CDC42BPA: variants seen among roughly 807,000 people sequenced by gnomAD.
CDC42BPA encodes the protein serine/threonine-protein kinase MRCK alpha.
Under a neutral mutation model 223.5 loss-of-function variants are expected in CDC42BPA, and 80 were observed. That is an observed-to-expected ratio of 0.36 (90% CI 0.30 to 0.43). The LOEUF is 0.43. CDC42BPA is among the 20% of genes least tolerant of loss of function. The pLI is 1.00. For missense variants in CDC42BPA, 1,743 were observed against 2,099.9 expected, an observed-to-expected ratio of 0.83 and a Z score of 3.32; for synonymous variants, 694 against 718.6, an observed-to-expected ratio of 0.97 and a Z score of 0.55.
In CDC42BPA at chr1:227,051,412, G is replaced by A. The variant is rs182795767; in HGVS notation, c.3009+469C>T. ...TTTTTTTTGCACTATTAAATGTCAGGATTTAGTTGACTGTTACCAATTTAG... is the reference window on the plus strand; with the variant it reads ...TTTTTTTTGCACTATTAAATGTCAGAATTTAGTTGACTGTTACCAATTTAG... On this transcript the variant is annotated intron_variant, in intron 22 of 36. Coordinates refer to ENST00000366766, the MANE Select transcript of CDC42BPA (RefSeq NM_001394014.1). Among the ~76,000 whole-genome samples, 28 of 152,262 alleles carry A rather than the reference G, an allele frequency of 1.8e-4. No individual in the cohort carries two copies. The East Asian group carries it at 5.2e-3, about 28-fold the overall frequency.
At chr1:227,260,765 C>T (rs970418868) in intron 1 of CDC42BPA, among the ~76,000 whole-genome samples, 2 of 150,970 alleles carry the variant, frequency 1.3e-5, no homozygotes, top group African/African-American at 5.0e-5. Flanking sequence ...TTCCATTCTA[C>T]CATTCTTCTT....
intron 6 of CDC42BPA, among the ~76,000 whole-genome samples, chr1:227,159,795 G>A (rs990417496): frequency 6.6e-6 from 1 of 152,042 alleles, no homozygotes. Flanking sequence ...CAAAGTGTTG[G>A]GATTACAAGC....
intron 15 of CDC42BPA, among the ~76,000 whole-genome samples, chr1:227,100,747 A>AGTGAGTGTGTGT (rs1553337907): frequency 7.3e-6 from 1 of 137,326 alleles, no homozygotes; most frequent in Admixed American, 7.5e-5. Flanking sequence ...ATACCCAGCT[A>AGTGAGTGTGTGT]GTGTGTGTGT....
At chr1:227,109,044 TAAATATGGTATAA>T (rs1686432709) in intron 14 of CDC42BPA, among the ~76,000 whole-genome samples, 1 of 152,050 alleles carries the variant, frequency 6.6e-6, no homozygotes, top group Non-Finnish European at 1.5e-5. Context: ...ATGTCGCATA[TAAATATGGTATAA>T]AAGTAAGGTA....
chr1:227,213,087 G>T, intron 3 of CDC42BPA, 49 bp downstream of exon 3: 1 of 961,394 alleles, frequency 1.0e-6, no homozygotes, highest in Non-Finnish European at 1.6e-6. Context: ...TATAATTCCT[G>T]AAAAATATTT....
chr1:227,159,089 C>G (rs1245868134), intron 6 of CDC42BPA, among the ~76,000 whole-genome samples: 5 of 152,126 alleles, frequency 3.3e-5, no homozygotes, highest in Non-Finnish European at 5.9e-5. Flanking sequence ...TTTTACAGTT[C>G]CTTACAGTGG....
intron 14 of CDC42BPA, 136 bp downstream of exon 14, chr1:227,112,176 C>G (rs531749875): frequency 4.2e-6 from 2 of 472,398 alleles, no homozygotes; most frequent in Non-Finnish European, 7.5e-6. Context: ...CTGGTAAGAA[C>G]GAGAATTATG....
At position 227,317,715 on chromosome 1, in the gene CDC42BPA, C is replaced by T; in HGVS notation, c.-533G>A. 1 of 398,482 alleles carries T rather than the reference C, an allele frequency of 2.5e-6. No individual in the cohort carries two copies. The highest frequency in any genetic ancestry group is 3.6e-5 in the East Asian group (1 of 28,072). The allele number at this position is 398,482 out of a possible 1,614,324, so 24.7% of individuals were successfully genotyped here. Reference sequence around the variant, plus strand: ...GAAAACCAAAAATGTTGCTGCAAATCCTCCCAACCACCACTTGGATAATGC... The same window carrying T: ...GAAAACCAAAAATGTTGCTGCAAATTCTCCCAACCACCACTTGGATAATGC... On this transcript the variant is annotated 5_prime_UTR_variant, in exon 1 of 37. Transcript: ENST00000366766.
At chr1:227,109,601 A>G (rs1296667738) in intron 14 of CDC42BPA, among the ~76,000 whole-genome samples, 1 of 152,080 alleles carries the variant, frequency 6.6e-6, no homozygotes, top group Non-Finnish European at 1.5e-5. Context: ...CCTGGCCTCC[A>G]GTGATCCACC....
At chr1:227,213,309 A>G (rs1674258654) in intron 2 of CDC42BPA, 90 bp from the exon 3 acceptor site, 1 of 621,524 alleles carries the variant, frequency 1.6e-6, no homozygotes. Flanking sequence ...TAAAAAAATA[A>G]ATACCAATTA....
At chr1:227,096,156 T>A (rs1425792198) in intron 15 of CDC42BPA, among the ~76,000 whole-genome samples, 2 of 152,130 alleles carry the variant, frequency 1.3e-5, no homozygotes, top group Admixed American at 1.3e-4. Flanking sequence ...CCAACCTCCA[T>A]CTCCAAGCAA....
Position 226,991,187 on chromosome 1 carries a change from A to G in CDC42BPA, c.*3081T>C, listed in dbSNP as rs1660698051. 1 of 152,678 alleles carries G rather than the reference A, an allele frequency of 6.5e-6. No homozygotes were observed. Among genetic ancestry groups the G allele is most frequent in the Admixed American group, 6.5e-5 (1 of 15,288 alleles). The allele number at this position is 152,678 out of a possible 1,614,324, so 9.5% of individuals were successfully genotyped here. A position where few individuals can be genotyped will look rare whatever the true frequency, so the allele number is the denominator to read the frequency against. Reference sequence around the variant, plus strand: ...TGGCTGGACATAGATAGCACCAAATACTAACACAGATAGACTATCCCAGAA... The same window carrying G: ...TGGCTGGACATAGATAGCACCAAATGCTAACACAGATAGACTATCCCAGAA... On this transcript the variant is annotated 3_prime_UTR_variant, in exon 37 of 37. Coordinates refer to ENST00000366766, the MANE Select transcript of CDC42BPA (RefSeq NM_001394014.1).
intron 24 of CDC42BPA, among the ~76,000 whole-genome samples, chr1:227,039,570 C>T (rs1184279704): frequency 2.0e-5 from 3 of 152,158 alleles, no homozygotes; most frequent in African/African-American, 4.8e-5. Flanking sequence ...TGACCCCTGA[C>T]CCTCTCTCCT....
intron 16 of CDC42BPA, among the ~76,000 whole-genome samples, chr1:227,089,636 T>TG (rs1442575555): frequency 1.2e-4 from 17 of 137,684 alleles, no homozygotes; most frequent in Non-Finnish European, 1.4e-4. Flanking sequence ...CGTTTTTTTT[T>TG]TTTTTTTTTT....
chr1:227,267,770 C>G (rs1685244652), intron 1 of CDC42BPA, among the ~76,000 whole-genome samples: 1 of 152,154 alleles, frequency 6.6e-6, no homozygotes, highest in East Asian at 1.9e-4. Context: ...ACCATCAAAT[C>G]TTGTGAGAAC....
intron 1 of CDC42BPA, among the ~76,000 whole-genome samples, chr1:227,316,294 AC>A (rs1443679685): frequency 6.6e-6 from 1 of 152,190 alleles, no homozygotes; most frequent in East Asian, 1.9e-4. Flanking sequence ...GATCTATTCC[AC>A]TACAGTAGGT....
At chr1:227,187,673 C>T (rs1456041262) in intron 5 of CDC42BPA, among the ~76,000 whole-genome samples, 1 of 3,250 alleles carries the variant, frequency 3.1e-4, no homozygotes, top group Non-Finnish European at 7.7e-4. Context: ...ATAAATGGCA[C>T]CCCCCACCCC....
chr1:227,292,117 G>T (rs1483272655), intron 1 of CDC42BPA, among the ~76,000 whole-genome samples: 1 of 151,932 alleles, frequency 6.6e-6, no homozygotes, highest in Non-Finnish European at 1.5e-5. Context: ...CGAGTAGCTG[G>T]GACTACAGGC....
intron 35 of CDC42BPA, among the ~76,000 whole-genome samples, chr1:227,001,995 G>A (rs1448623524): frequency 6.6e-6 from 1 of 152,098 alleles, no homozygotes; most frequent in African/African-American, 2.4e-5. Flanking sequence ...AATCCTGGAG[G>A]CCGATTTTAG....
Sources: gnomAD v4.1 joint callset for allele counts (sites outside exome capture counted in the v4.1 genomes callset) on GRCh38, gnomAD v4.1.1 for gene constraint, MANE v1.5 for transcripts, NCBI Gene and HGNC (gene_info 2026-07-23, HGNC 2026-07-21) for gene names.